SFMBT2: variants seen among roughly 807,000 people sequenced by gnomAD.
SFMBT2 encodes the protein Scm like with four mbt domains 2.
Under a neutral mutation model 110.1 loss-of-function variants are expected in SFMBT2, and 38 were observed. That is an observed-to-expected ratio of 0.35 (90% CI 0.27 to 0.45). The LOEUF (loss-of-function observed/expected upper bound fraction) is 0.45, where lower values mean the gene tolerates loss of function less well. Ranked by LOEUF, SFMBT2 falls within the 20% of genes least tolerant of loss-of-function variation. The pLI is 1.00. For missense variants in SFMBT2, 1,011 were observed against 1,094.9 expected, an observed-to-expected ratio of 0.92 and a Z score of 1.08; for synonymous variants, 425 against 425.4, an observed-to-expected ratio of 1.00 and a Z score of 0.01.
At chr10:7,370,921 C>G (rs1471386841) in intron 2 of SFMBT2, 1 of 342,326 alleles carries the variant, frequency 2.9e-6, no homozygotes, top group Non-Finnish European at 4.1e-6. Context: ...ACAAACCGAC[C>G]AGCTGCCTGA....
intron 16 of SFMBT2, among the ~76,000 whole-genome samples, chr10:7,183,938 G>A (rs1838319615): frequency 6.6e-6 from 1 of 152,178 alleles, no homozygotes; most frequent in Non-Finnish European, 1.5e-5. Flanking sequence ...ACACATGTAA[G>A]TGGGCTGTTT....
At chr10:7,235,320 C>G (rs777936816) in intron 9 of SFMBT2, among the ~76,000 whole-genome samples, 3 of 152,158 alleles carry the variant, frequency 2.0e-5, no homozygotes, top group Non-Finnish European at 2.9e-5. Flanking sequence ...GGAACTGCCA[C>G]ATAAATAACA....
In SFMBT2 at chr10:7,163,123, C is replaced by CAAACA. The variant is rs112288803; in HGVS notation, c.*646_*647insTGTTT. On this transcript the variant is annotated 3_prime_UTR_variant, in exon 21 of 21. Transcript: ENST00000397167. The surrounding 1 kb of genome is among the most constrained non-coding windows in gnomAD (Gnocchi z 4.8). The stretch of plus-strand genomic sequence containing the variant: ...GTCTCAAAAAACACAACAAAATGAA[C>CAAACA]AACAAACAAACAAACAAACAAACAA... 4 of 160,634 alleles carry CAAACA rather than the reference C, an allele frequency of 2.5e-5. No individual in the cohort carries two copies. The highest frequency in any genetic ancestry group is 6.2e-5 in the Admixed American group (1 of 16,218). The allele number at this position is 160,634 out of a possible 1,614,324, so 10.0% of individuals were successfully genotyped here.
At chr10:7,255,627 C>T (rs565505021) in intron 7 of SFMBT2, among the ~76,000 whole-genome samples, 2 of 152,208 alleles carry the variant, frequency 1.3e-5, no homozygotes, top group Non-Finnish European at 2.9e-5. Context: ...GGCAATGTCT[C>T]TTCAGGGAAC....
intron 4 of SFMBT2, among the ~76,000 whole-genome samples, chr10:7,360,675 T>C (rs2132035316): frequency 6.6e-6 from 1 of 152,302 alleles, no homozygotes; most frequent in Admixed American, 6.5e-5. Context: ...GATATTAAAA[T>C]TAAATACTGT....
At position 7,172,092 on chromosome 10, in the gene SFMBT2, G is replaced by GCTC. The variant is rs759978135; in HGVS notation, c.2215_2217dup (p.Glu739dup). On this transcript the variant is annotated inframe_insertion, in exon 19 of 21. Coordinates refer to ENST00000397167, the MANE Select transcript of SFMBT2 (RefSeq NM_001387889.1). The surrounding 1 kb of genome is among the most constrained non-coding windows in gnomAD (Gnocchi z 4.6). ...GAGGTGTCCGTCTGGTCATCCCGGA[G>GCTC]CTCGGAGCCGGTCTCCTCACTGGCG... The GCTC allele has an allele frequency of 2.5e-6, 4 of 1,606,546 alleles. No individual in the cohort carries two copies. The African/African-American group carries it at 5.4e-5, about 22-fold the overall frequency.
intron 7 of SFMBT2, among the ~76,000 whole-genome samples, chr10:7,264,718 C>T (rs1841327193): frequency 1.3e-5 from 2 of 152,144 alleles, no homozygotes; most frequent in Admixed American, 1.3e-4. Flanking sequence ...AGAAGCATGA[C>T]ATGAAACAGC....
intron 9 of SFMBT2, among the ~76,000 whole-genome samples, chr10:7,228,738 T>TTCTCTCTCTCTC (rs56871421): frequency 3.2e-5 from 2 of 62,526 alleles, no homozygotes; most frequent in African/African-American, 1.5e-4. Flanking sequence ...TTTCTTTCCT[T>TTCTCTCTCTCTC]TCTCTCTCTC....
intron 10 of SFMBT2, among the ~76,000 whole-genome samples, chr10:7,224,509 T>C (rs77424740): frequency 0.11 from 16,837 of 152,110 alleles, 1,081 homozygotes; most frequent in African/African-American, 0.18. Context: ...CCACATGTCG[T>C]CAACTGTGGC....
intron 4 of SFMBT2, among the ~76,000 whole-genome samples, chr10:7,333,696 C>A (rs1039566108): frequency 6.6e-6 from 1 of 151,794 alleles, no homozygotes; most frequent in Admixed American, 6.6e-5. Flanking sequence ...CTCTCTCCCC[C>A]ACTCCCTACA....
chr10:7,164,066 G>T (rs1837626975), intron 20 of SFMBT2, 156 bp from the exon 21 acceptor site: 1 of 985,316 alleles, frequency 1.0e-6, no homozygotes, highest in Non-Finnish European at 1.2e-6. Context: ...AGCCCGGCTT[G>T]ATGACTGTCT....
rs111771396 is a variant in SFMBT2, at chr10:7,265,449, G to A, written c.870+11443C>T. On this transcript the variant is annotated intron_variant, in intron 7 of 20. Transcript: ENST00000397167. The stretch of plus-strand genomic sequence containing the variant: ...AATCCTGAGTTCATGCAATCCTCCC[G>A]CCTGGCCTCTCAAAGTGCTGAGGTT... 8.6e-3 allele frequency among the ~76,000 whole-genome samples: 1,314 copies of A among 152,148 alleles called. 21 individuals are homozygous for A. Among genetic ancestry groups the A allele is most frequent in the African/African-American group, 0.031 (1,266 of 41,492 alleles).
chr10:7,272,162 AAAC>A (rs1248915057), intron 7 of SFMBT2, among the ~76,000 whole-genome samples: 1 of 152,192 alleles, frequency 6.6e-6, no homozygotes. Context: ...CCTAGAGTCC[AAAC>A]AACAAGATTC....
chr10:7,326,903 G>A (rs1040060752), intron 4 of SFMBT2, among the ~76,000 whole-genome samples: 1 of 152,122 alleles, frequency 6.6e-6, no homozygotes, highest in African/African-American at 2.4e-5. Flanking sequence ...TTCCCCTTGG[G>A]GAAAGGGGTT....
rs73617433 is a variant in SFMBT2, at chr10:7,311,858, T to C, written c.437-25904A>G. Among the ~76,000 whole-genome samples the C allele has an allele frequency of 1.8e-3, 280 of 152,322 alleles. 1 individual carries two copies. Among genetic ancestry groups the C allele is most frequent in the African/African-American group, 6.4e-3 (265 of 41,576 alleles). On this transcript the variant is annotated intron_variant, in intron 4 of 20. Transcript: ENST00000397167. ...AGTTGAAGAAAGGCCCGGGCAACAA[T>C]TCCTGAAAAGGTCATTTGTAACTCA...
rs1180430768 is a variant in SFMBT2 at position 7,286,371 on chromosome 10, G to A, written c.437-417C>T. ...TACATGAACAGTTTATACAGTTTCA[G>A]AAGAAGAAGGAATTTGCAGAGAAAT... On this transcript the variant is annotated intron_variant, in intron 4 of 20. Coordinates refer to ENST00000397167, the MANE Select transcript of SFMBT2 (RefSeq NM_001387889.1). 6 of 971,534 alleles carry A rather than the reference G, an allele frequency of 6.2e-6. No homozygotes were observed. In the African/African-American group the frequency reaches 1.1e-4, roughly 17 times the overall value. The allele number at this position is 971,534 out of a possible 1,614,324, so 60.2% of individuals were successfully genotyped here.
At chr10:7,252,190 G>T (rs942538078) in intron 7 of SFMBT2, among the ~76,000 whole-genome samples, 4 of 152,152 alleles carry the variant, frequency 2.6e-5, no homozygotes, top group African/African-American at 7.2e-5. Context: ...AGTCCTCTGG[G>T]AAGCTCTGTC....
At chr10:7,253,394 C>A (rs1840879389) in intron 7 of SFMBT2, among the ~76,000 whole-genome samples, 1 of 152,148 alleles carries the variant, frequency 6.6e-6, no homozygotes, top group South Asian at 2.1e-4. Flanking sequence ...CTTGTGGGGT[C>A]TGCACTGCTT....
chr10:7,254,692 G>T (rs1986016), intron 7 of SFMBT2, among the ~76,000 whole-genome samples: 70,072 of 151,838 alleles, frequency 0.46, 16,976 homozygotes, highest in East Asian at 0.83. Flanking sequence ...GCTGGGCATG[G>T]TGGTGCACAC....
Sources: gnomAD v4.1 joint callset for allele counts (sites outside exome capture counted in the v4.1 genomes callset) on GRCh38, gnomAD v4.1.1 for gene constraint, Gnocchi (gnomAD v3.1) non-coding constraint, MANE v1.5 for transcripts, NCBI Gene and HGNC (gene_info 2026-07-23, HGNC 2026-07-21) for gene names.